The following PRKAR1B variants were observed in gnomAD, a reference collection of about 807,000 sequenced individuals.
PRKAR1B encodes cAMP-dependent protein kinase type I-beta regulatory subunit.
In PRKAR1B, 22 loss-of-function variants were observed where a neutral mutation model predicts 46.5. The ratio of observed to expected loss-of-function variants is 0.47; its 90% CI spans 0.34 to 0.68. PRKAR1B has a LOEUF of 0.68. Among genes scored for constraint, PRKAR1B ranks in the 30% least tolerant of loss-of-function variants. The pLI, the probability that PRKAR1B is intolerant of heterozygous loss-of-function variation, is 0.01. For missense variants in PRKAR1B, 445 were observed against 535.6 expected, an observed-to-expected ratio of 0.83 and a Z score of 1.67; for synonymous variants, 259 against 217.7, an observed-to-expected ratio of 1.19 and a Z score of -1.67.
chr7:585,383 G>A (rs1208168415), intron 7 of PRKAR1B, among the ~76,000 whole-genome samples: 1 of 152,132 alleles, frequency 6.6e-6, no homozygotes, highest in Non-Finnish European at 1.5e-5. Context: ...GCAGCCGCAC[G>A]GTGGGTACGA....
rs1458236923 is a variant in PRKAR1B, at chr7:691,127, C to CCCGCGCCCACCCAAACTGTCCACTG, written c.178-10402_178-10401insCAGTGGACAGTTTGGGTGGGCGCGG. Reference sequence around the variant, plus strand: ...CCCACGCCCACCCACACTGGCCAGTCCGCTGCAAATCCTACCCGAAGGGTC... The same window carrying CCCGCGCCCACCCAAACTGTCCACTG: ...CCCACGCCCACCCACACTGGCCAGTCCCGCGCCCACCCAAACTGTCCACTGCGCTGCAAATCCTACCCGAAGGGTC... On this transcript the variant is annotated intron_variant, in intron 2 of 10. Coordinates refer to ENST00000537384, the MANE Select transcript of PRKAR1B (RefSeq NM_001164760.2). Among the ~76,000 whole-genome samples the CCCGCGCCCACCCAAACTGTCCACTG allele has an allele frequency of 4.0e-3, 565 of 142,804 alleles. 11 individuals carry two copies. The highest frequency in any genetic ancestry group is 0.016 in the East Asian group (71 of 4,366). The allele number at this position is 142,804 out of a possible 152,430, so 93.7% of individuals were successfully genotyped here.
chr7:727,150 G>A (rs1331953403), intron 1 of PRKAR1B, 60 bp downstream of exon 1: 1 of 1,265,082 alleles, frequency 7.9e-7, no homozygotes, highest in South Asian at 2.2e-5. Context: ...GCTGCGCCTG[G>A]CGCTTGTGCA....
intron 4 of PRKAR1B, among the ~76,000 whole-genome samples, chr7:634,070 T>G (rs1783905648): frequency 6.6e-6 from 1 of 152,160 alleles, no homozygotes; most frequent in Non-Finnish European, 1.5e-5. Context: ...CCTCCCAGGC[T>G]GCAGTGCAAT....
rs77412190 is a variant in PRKAR1B, at chr7:635,807, C to G, written c.441-28355G>C. On this transcript the variant is annotated intron_variant, in intron 4 of 10. Transcript: ENST00000537384. ...TTTGGAGGCAGGAGTTGGTCCAAAT[C>G]ACAGCTCCGACACTTACTAGCTGGA... 6.2e-3 allele frequency among the ~76,000 whole-genome samples: 950 copies of G among 152,190 alleles called. 10 individuals are homozygous for G. The highest frequency in any genetic ancestry group is 0.022 in the African/African-American group (894 of 41,500).
intron 1 of PRKAR1B, chr7:726,641 GCGGAC>G: frequency 9.1e-7 from 1 of 1,094,900 alleles, no homozygotes; most frequent in Non-Finnish European, 1.2e-6. Flanking sequence ...CGCCCGCAGC[GCGGAC>G]CGGAAGTGCT....
chr7:701,887 G>C (rs1488913965), intron 2 of PRKAR1B, among the ~76,000 whole-genome samples: 2 of 152,192 alleles, frequency 1.3e-5, no homozygotes, highest in East Asian at 3.8e-4. Context: ...AGGCTGGTGG[G>C]GGAAATGATC....
Position 550,311 on chromosome 7 carries a change from T to G in PRKAR1B, c.*119A>C, listed in dbSNP as rs1784100250. On this transcript the variant is annotated 3_prime_UTR_variant, in exon 11 of 11. Coordinates refer to ENST00000537384, the MANE Select transcript of PRKAR1B (RefSeq NM_001164760.2). ...TCCGGGGAAGGGGCAGTCCTCACGC[T>G]GCCGGGACCCAGCCCCACCCGGCCC... 4.9e-6 allele frequency: 4 copies of G among 823,548 alleles called. No homozygotes were observed. The highest frequency in any genetic ancestry group is 7.8e-6 in the Non-Finnish European group (4 of 515,174). The allele number at this position is 823,548 out of a possible 1,614,324, so 51.0% of individuals were successfully genotyped here. A position where few individuals can be genotyped will look rare whatever the true frequency, so the allele number is the denominator to read the frequency against.
At chr7:569,136 C>G (rs1747044809) in intron 9 of PRKAR1B, among the ~76,000 whole-genome samples, 1 of 151,868 alleles carries the variant, frequency 6.6e-6, no homozygotes, top group Non-Finnish European at 1.5e-5. Context: ...ACAAATGGGA[C>G]CATCCTTTGC....
chr7:563,504 G>T (rs1259663531), intron 9 of PRKAR1B, among the ~76,000 whole-genome samples: 1 of 152,266 alleles, frequency 6.6e-6, no homozygotes, highest in Non-Finnish European at 1.5e-5. Context: ...GCCCCAAGCT[G>T]CTTCAGCCTC....
chr7:581,029 C>T (rs1227280251), intron 8 of PRKAR1B, among the ~76,000 whole-genome samples: 3 of 152,248 alleles, frequency 2.0e-5, no homozygotes, highest in Middle Eastern at 3.4e-3. Context: ...ACCAGCTGGG[C>T]GCGGTGGCTC....
chr7:603,947 T>G (rs1781832806), intron 6 of PRKAR1B, among the ~76,000 whole-genome samples: 1 of 151,056 alleles, frequency 6.6e-6, no homozygotes, highest in African/African-American at 2.5e-5. Context: ...TAGCATGAGA[T>G]TTGGGGCTGG....
At chr7:551,765 C>T (rs1490171193) in intron 9 of PRKAR1B, among the ~76,000 whole-genome samples, 5 of 146,536 alleles carry the variant, frequency 3.4e-5, no homozygotes, top group Admixed American at 6.7e-5. Context: ...ACCTCCCGCC[C>T]GGGTCCTTCC....
chr7:655,598 A>G (rs1785148856), intron 4 of PRKAR1B, among the ~76,000 whole-genome samples: 1 of 151,972 alleles, frequency 6.6e-6, no homozygotes, highest in African/African-American at 2.4e-5. Context: ...TCATTTACTC[A>G]TTGTCTCTTC....
At chr7:727,997 T>C (rs1433861283), upstream of PRKAR1B, among the ~76,000 whole-genome samples, 5 of 151,972 alleles carry the variant, frequency 3.3e-5, no homozygotes, top group Admixed American at 2.6e-4. Flanking sequence ...TTTGAGACTC[T>C]GCTCTGGTCA....
At chr7:592,151 C>T (rs1781012610) in intron 7 of PRKAR1B, among the ~76,000 whole-genome samples, 1 of 152,214 alleles carries the variant, frequency 6.6e-6, no homozygotes, top group African/African-American at 2.4e-5. Flanking sequence ...CACGTGCACA[C>T]TGTGTGACCC....
chr7:704,677 G>A (rs1222273384), intron 2 of PRKAR1B, among the ~76,000 whole-genome samples: 1 of 152,156 alleles, frequency 6.6e-6, no homozygotes, highest in Non-Finnish European at 1.5e-5. Context: ...GCTGAGGCAG[G>A]AGAATCACTT....
At chr7:620,287 A>G (rs1480118129) in intron 4 of PRKAR1B, among the ~76,000 whole-genome samples, 2 of 152,208 alleles carry the variant, frequency 1.3e-5, no homozygotes, top group African/African-American at 4.8e-5. Flanking sequence ...CCAAGAATAC[A>G]GACCGCCTCT....
At chr7:572,865 C>A (rs537896044) in intron 9 of PRKAR1B, among the ~76,000 whole-genome samples, 1 of 152,246 alleles carries the variant, frequency 6.6e-6, no homozygotes, top group African/African-American at 2.4e-5. Context: ...GCTTTAGAAA[C>A]TGCTGGAGGA....
At chr7:721,457 T>G (rs1257900128) in intron 1 of PRKAR1B, among the ~76,000 whole-genome samples, 3 of 152,172 alleles carry the variant, frequency 2.0e-5, no homozygotes, top group Non-Finnish European at 4.4e-5. Flanking sequence ...AAGACCAGCC[T>G]GACCAACACG....
Sources: allele counts gnomAD v4.1 joint callset (sites outside exome capture counted in the v4.1 genomes callset), GRCh38; gene constraint gnomAD v4.1.1; transcripts MANE v1.5; gene names NCBI Gene and HGNC (gene_info 2026-07-23, HGNC 2026-07-21).